SPTBN4: variants seen among roughly 807,000 people sequenced by gnomAD.
SPTBN4 encodes spectrin beta, non-erythrocytic 4, also known as spectrin beta chain, non-erythrocytic 4.
In SPTBN4, 96 loss-of-function variants were observed where a neutral mutation model predicts 277.8. The ratio of observed to expected loss-of-function variants is 0.35; its 90% CI spans 0.29 to 0.41. SPTBN4 has a LOEUF of 0.41. Among genes scored for constraint, SPTBN4 ranks in the 10% least tolerant of loss-of-function variants. SPTBN4 has a pLI of 1.00. For missense variants in SPTBN4, 3,006 were observed against 3,595.7 expected, an observed-to-expected ratio of 0.84 and a Z score of 4.19; for synonymous variants, 1,481 against 1,580.3, an observed-to-expected ratio of 0.94 and a Z score of 1.49.
intron 12 of SPTBN4, 21 bp downstream of exon 12, chr19:40,504,153 A>AT: frequency 1.2e-6 from 1 of 835,444 alleles, no homozygotes; most frequent in Non-Finnish European, 1.8e-6. Context: ...GGGGGCGGGG[A>AT]TGCGGGTGGA....
chr19:40,474,980 C>G (rs560196507), intron 2 of SPTBN4, among the ~76,000 whole-genome samples: 8 of 152,022 alleles, frequency 5.3e-5, no homozygotes, highest in Admixed American at 3.9e-4. Flanking sequence ...AATAACCCTC[C>G]CACCTCGGCC....
At chr19:40,498,567 G>T (rs1006763794) in intron 7 of SPTBN4, among the ~76,000 whole-genome samples, 2 of 150,976 alleles carry the variant, frequency 1.3e-5, no homozygotes, top group Non-Finnish European at 3.0e-5. Context: ...CACCACGCCC[G>T]GCTAATTTTT....
Position 40,486,032 on chromosome 19 carries a change from G to A in SPTBN4, c.170-1665G>A, listed in dbSNP as rs147870390. Among the ~76,000 whole-genome samples, 22 of 151,268 alleles carry A rather than the reference G, an allele frequency of 1.5e-4. No homozygotes were observed. In the East Asian group the frequency reaches 3.9e-3, roughly 27 times the overall value. On this transcript the variant is annotated intron_variant, in intron 2 of 35. Coordinates refer to ENST00000598249, the MANE Select transcript of SPTBN4 (RefSeq NM_020971.3). ...TGACCAAGCGCAGTGGCTAACACCT[G>A]TAATCCCAGCACTTTGGGAGGCCTA...
At chr19:40,485,805 C>CA (rs35972122) in intron 2 of SPTBN4, among the ~76,000 whole-genome samples, 24 of 145,494 alleles carry the variant, frequency 1.6e-4, no homozygotes, top group Admixed American at 2.8e-4. Flanking sequence ...GATTGTGACT[C>CA]AAAAAAAAAA....
Position 40,512,921 on chromosome 19 carries a change from G to A in SPTBN4, c.2132G>A (p.Arg711Gln), listed in dbSNP as rs1370642246. 2.8e-6 allele frequency: 4 copies of A among 1,426,186 alleles called. No homozygotes were observed. The highest frequency in any genetic ancestry group is 3.6e-6 in the Non-Finnish European group (4 of 1,101,122). 88.3% of individuals were successfully genotyped at this position (1,426,186 alleles called of 1,614,324 possible). A position where few individuals can be genotyped will look rare whatever the true frequency, so the allele number is the denominator to read the frequency against. Residue 711 changes from arginine to glutamine, a missense_variant, in exon 14 of 36, where the codon CGG becomes CAG. Physicochemically the swap from Arg to Gln is conservative, Grantham distance 43. Around this residue, in one of 5 missense-constraint regions of SPTBN4, gnomAD observed 1,759 missense variants for 2,061.5 expected, o/e 0.85. Transcript: ENST00000598249. ...HKILQGELGG[R>Q]RALLQQALRC... ...ATCCTGCAGGGCGAGCTGGGCGGGCGGCGAGCGTTGCTGCAGCAGGCCCTG... is the reference window on the plus strand; with the variant it reads ...ATCCTGCAGGGCGAGCTGGGCGGGCAGCGAGCGTTGCTGCAGCAGGCCCTG...
chr19:40,477,076 G>A (rs1233942500), intron 2 of SPTBN4, among the ~76,000 whole-genome samples: 1 of 149,948 alleles, frequency 6.7e-6, no homozygotes, highest in African/African-American at 2.5e-5. Context: ...TATTTGGACT[G>A]CTGCCAGGCT....
In SPTBN4 at chr19:40,545,256, TA is replaced by T. The variant is rs1184946484; in HGVS notation, c.4360-3932del. On this transcript the variant is annotated intron_variant, in intron 20 of 35. Transcript: ENST00000598249. ...GATTACAGGCGTGCATCACCACGCC[TA>T]GCTAATTTTTGTATTTTTAGTAGAG... 5.9e-5 allele frequency among the ~76,000 whole-genome samples: 9 copies of T among 151,942 alleles called. No individual in the cohort carries two copies. In the East Asian group the frequency reaches 1.7e-3, roughly 30 times the overall value.
intron 15 of SPTBN4, among the ~76,000 whole-genome samples, chr19:40,516,279 A>G (rs2080460034): frequency 6.7e-6 from 1 of 150,164 alleles, no homozygotes; most frequent in Non-Finnish European, 1.5e-5. Context: ...CAATTTCCAT[A>G]GTAAAGATCC....
intron 19 of SPTBN4, among the ~76,000 whole-genome samples, chr19:40,533,173 A>C (rs2080697651): frequency 6.6e-6 from 1 of 152,116 alleles, no homozygotes; most frequent in South Asian, 2.1e-4. Context: ...CTGGGTTCTA[A>C]CTGTGTCTAT....
rs368076001 is a variant in SPTBN4, at chr19:40,565,271, A to AAAAAGAAAAG, written c.5916-133_5916-124dup. 1.0e-3 allele frequency: 1,026 copies of AAAAAGAAAAG among 980,328 alleles called. 3 individuals are homozygous for AAAAAGAAAAG. In the East Asian group the frequency reaches 0.015, roughly 14 times the overall value. 60.7% of individuals were successfully genotyped at this position (980,328 alleles called of 1,614,324 possible). On this transcript the variant is annotated intron_variant, in intron 27 of 35. Coordinates refer to ENST00000598249, the MANE Select transcript of SPTBN4 (RefSeq NM_020971.3). ...TAGGGTGAGACTTTATCTCAAAAAA[A>AAAAAGAAAAG]AAAAGAAAAGAAAAGAAAAGAAAAG...
intron 5 of SPTBN4, among the ~76,000 whole-genome samples, chr19:40,493,759 CAAAT>C (rs1345850673): frequency 4.6e-5 from 7 of 152,106 alleles, no homozygotes; most frequent in Admixed American, 4.6e-4. Context: ...AATAAACAAA[CAAAT>C]AAATAAAAAT....
At chr19:40,497,395 C>T (rs2080211681) in intron 6 of SPTBN4, 94 bp from the exon 7 acceptor site, 1 of 891,702 alleles carries the variant, frequency 1.1e-6, no homozygotes, top group Non-Finnish European at 1.9e-6. Context: ...TGCCCATTGC[C>T]CTGGGCAGTG....
At chr19:40,537,360 G>A (rs192050377) in intron 20 of SPTBN4, among the ~76,000 whole-genome samples, 142 of 152,282 alleles carry the variant, frequency 9.3e-4, no homozygotes, top group Admixed American at 2.6e-3. Context: ...TCTCCCATCC[G>A]TGTCTGTATT....
In SPTBN4 at chr19:40,567,871, A is replaced by G. The variant is rs1409931848; in HGVS notation, c.6545A>G (p.Glu2182Gly). ...VRTRVGYVRQ[E>G]LKPERLQPRI... ...ACTCGGGTGGGGTATGTGCGCCAGG[A>G]GCTCAAGCCCGAGCGCCTCCAGCCG... Residue 2182 changes from glutamate to glycine, a missense_variant, in exon 31 of 36, where the codon GAG (glutamate) becomes GGG (glycine). This residue lies in a region of SPTBN4 where 630 missense variants were observed against 677.6 expected (regional missense o/e 0.93). Coordinates refer to ENST00000598249, the MANE Select transcript of SPTBN4 (RefSeq NM_020971.3). 2.6e-6 allele frequency: 4 copies of G among 1,524,334 alleles called. No individual in the cohort carries two copies. Among genetic ancestry groups the G allele is most frequent in the Non-Finnish European group, 3.5e-6 (4 of 1,138,028 alleles). The allele number at this position is 1,524,334 out of a possible 1,614,324, so 94.4% of individuals were successfully genotyped here.
At chr19:40,544,899 C>T in intron 20 of SPTBN4, among the ~76,000 whole-genome samples, 1 of 150,618 alleles carries the variant, frequency 6.6e-6, no homozygotes, top group East Asian at 2.0e-4. Context: ...TGGGCTCAAG[C>T]ATTTCTCCCA....
intron 17 of SPTBN4, among the ~76,000 whole-genome samples, chr19:40,525,701 A>G (rs908200657): frequency 1.3e-5 from 2 of 152,176 alleles, no homozygotes; most frequent in South Asian, 4.1e-4. Flanking sequence ...GTTCACAGAA[A>G]TGACCAGGAC....
At position 40,515,984 on chromosome 19, in the gene SPTBN4, TATATATACACATATATAC is replaced by T. The variant is rs2080453289; in HGVS notation, c.2903+537_2903+554del. Reference sequence around the variant, plus strand: ...ATACGTATATATACACATATATACGTATATATACACATATATACGTATATATACACACATATACGTATA... The same window carrying T: ...ATACGTATATATACACATATATACGTGTATATATACACACATATACGTATA... On this transcript the variant is annotated intron_variant, in intron 15 of 35. Transcript: ENST00000598249. This position sits in a 1 kb window ranked among gnomAD's most constrained non-coding sequence, Gnocchi z 4.1. Among the ~76,000 whole-genome samples, 5 of 148,776 alleles carry T rather than the reference TATATATACACATATATAC, an allele frequency of 3.4e-5. No individual in the cohort carries two copies. The highest frequency in any genetic ancestry group is 7.4e-5 in the Non-Finnish European group (5 of 67,406).
At chr19:40,505,124 C>T (rs2080310568) in intron 12 of SPTBN4, among the ~76,000 whole-genome samples, 1 of 151,242 alleles carries the variant, frequency 6.6e-6, no homozygotes, top group South Asian at 2.1e-4. Flanking sequence ...GTGGCTCTCA[C>T]CTGCGGTACC....
chr19:40,511,194 AG>A (rs1247521254), intron 13 of SPTBN4, among the ~76,000 whole-genome samples: 1 of 152,010 alleles, frequency 6.6e-6, no homozygotes, highest in Non-Finnish European at 1.5e-5. Flanking sequence ...TCATGAGGTC[AG>A]GAGTTCGAGA....
Sources: allele counts gnomAD v4.1 joint callset (sites outside exome capture counted in the v4.1 genomes callset), GRCh38; gene constraint gnomAD v4.1.1; regional missense constraint gnomAD v4.1.1; non-coding constraint Gnocchi (gnomAD v3.1); transcripts MANE v1.5; gene names NCBI Gene and HGNC (gene_info 2026-07-23, HGNC 2026-07-21).